The following P4HTM variants were observed in gnomAD, a reference collection of about 807,000 sequenced individuals.
P4HTM encodes the protein transmembrane prolyl 4-hydroxylase.
In P4HTM, 33 loss-of-function variants were observed where a neutral mutation model predicts 55.3. That is an observed-to-expected ratio of 0.60 (90% CI 0.45 to 0.80). P4HTM has a LOEUF of 0.80. Among genes scored for constraint, P4HTM ranks in the 30% least tolerant of loss-of-function variants. The pLI, the probability that P4HTM is intolerant of heterozygous loss-of-function variation, is 0.00. For synonymous variants in P4HTM, 272 were observed against 286.4 expected (o/e 0.95, Z 0.51); for missense variants, 542 against 696.5 (o/e 0.78, Z 2.50).
chr3:49,004,720 C>T, intron 5 of P4HTM, 141 bp from the exon 6 acceptor site: 1 of 773,728 alleles, frequency 1.3e-6, no homozygotes, highest in Non-Finnish European at 2.1e-6. Flanking sequence ...TCTTACAGGG[C>T]CAGTCTGAGA....
intron 2 of P4HTM, among the ~76,000 whole-genome samples, chr3:48,996,653 C>A (rs986184356): frequency 6.6e-6 from 1 of 152,176 alleles, no homozygotes; most frequent in African/African-American, 2.4e-5. Context: ...AGCCACTGCG[C>A]CTGGCTAGTT....
chr3:49,006,879 C>G lies in P4HTM; in HGVS notation c.1481C>G (p.Ala494Gly), dbSNP rs755143056. 6.2e-7 allele frequency: 1 copy of G among 1,612,512 alleles called. No individual in the cohort carries two copies. Among genetic ancestry groups the G allele is most frequent in the Non-Finnish European group, 8.5e-7 (1 of 1,179,638 alleles). ...DSQPEWALDR[A>G]YRDARVEL The stretch of plus-strand genomic sequence containing the variant: ...CAGCCCGAGTGGGCTCTGGACCGGG[C>G]CTACCGCGATGCGCGCGTGGAACTC... Residue 494 changes from alanine to glycine, a missense_variant, in exon 9 of 9, where the codon GCC (alanine) becomes GGC (glycine). By Grantham distance (60) the Ala-to-Gly change is moderately conservative. Transcript: ENST00000383729.
In P4HTM at chr3:49,001,604, T is replaced by TG; in HGVS notation, c.604dup (p.Asp202GlyfsTer8). 1.9e-6 allele frequency: 3 copies of TG among 1,611,988 alleles called. No homozygotes were observed. Among genetic ancestry groups the TG allele is most frequent in the Non-Finnish European group, 2.5e-6 (3 of 1,178,602 alleles). ...TCTTCCGGCTGCTGGACCAGAACCG[T>TG]GATGGGCACCTTCAGCTCCGTGAGG... On this transcript the variant is annotated frameshift_variant, in exon 3 of 9. Transcript: ENST00000383729. LOFTEE classifies it high-confidence loss of function.
intron 2 of P4HTM, chr3:48,997,769 A>G (rs566300732): frequency 6.6e-6 from 1 of 152,376 alleles, no homozygotes; most frequent in East Asian, 1.9e-4. Context: ...CCAACCAGGC[A>G]TAGCATTTGG....
In P4HTM at chr3:49,002,879, G is replaced by A. The variant is rs2092965743; in HGVS notation, c.724+283G>A. Reference sequence around the variant, plus strand: ...GTTGAGAGCCTGGGGACAGGAAGTAGGGCTGCTAGTTGGCAGAGAACAGAG... The same window carrying A: ...GTTGAGAGCCTGGGGACAGGAAGTAAGGCTGCTAGTTGGCAGAGAACAGAG... On this transcript the variant is annotated intron_variant, in intron 4 of 8. Transcript: ENST00000383729. The surrounding 1 kb of genome is among the most constrained non-coding windows in gnomAD (Gnocchi z 4.4). 1 of 489,246 alleles carries A rather than the reference G, an allele frequency of 2.0e-6. No homozygotes were observed. Among genetic ancestry groups the A allele is most frequent in the East Asian group, 4.1e-5 (1 of 24,370 alleles). The allele number at this position is 489,246 out of a possible 1,614,324, so 30.3% of individuals were successfully genotyped here. A position where few individuals can be genotyped will look rare whatever the true frequency, so the allele number is the denominator to read the frequency against.
Position 48,990,607 on chromosome 3 carries a change from C to A in P4HTM, c.351C>A (p.Ile117=). The A allele has an allele frequency of 6.3e-7, 1 of 1,578,232 alleles. No homozygotes were observed. The highest frequency in any genetic ancestry group is 8.6e-7 in the Non-Finnish European group (1 of 1,162,414). Residue 117 remains isoleucine (I), a synonymous_variant, in exon 1 of 9, where the codon ATC becomes ATA. Transcript: ENST00000383729. The surrounding 1 kb of genome is among the most constrained non-coding windows in gnomAD (Gnocchi z 7.2). ...TLGPLTRLEG[I]KVGHERKVQL... is the part of the protein sequence containing the mutation. The stretch of plus-strand genomic sequence containing the variant: ...GTCCCCTCACCCGGCTGGAGGGCAT[C>A]AAGGTGAGGACCTCCCTGCCCCGCC...
rs2106676081 is a variant in P4HTM, at chr3:49,006,977, C to G, written c.*70C>G. 1 of 1,269,872 alleles carries G rather than the reference C, an allele frequency of 7.9e-7. No homozygotes were observed. Among genetic ancestry groups the G allele is most frequent in the Non-Finnish European group, 1.1e-6 (1 of 904,342 alleles). The allele number at this position is 1,269,872 out of a possible 1,614,324, so 78.7% of individuals were successfully genotyped here. ...CAAGATCAGGGGTCCGGCTGTCCTT[C>G]TGTCCTGCTGCAGACTAAAGGTCTG... On this transcript the variant is annotated 3_prime_UTR_variant, in exon 9 of 9. Transcript: ENST00000383729.
rs772383492 is a variant in P4HTM at position 49,001,576 on chromosome 3, A to G, written c.575A>G (p.Asp192Gly). The change falls in exon 3 of 9, where the codon GAC becomes GGC. Residue 192 changes from aspartate (D) to glycine (G), a missense_variant. Physicochemically the swap from Asp to Gly is moderately conservative, Grantham distance 94 (BLOSUM62 -1). Coordinates refer to ENST00000383729, the MANE Select transcript of P4HTM (RefSeq NM_177939.3). ...AGCACTATGCAGGTCAGCCAGCTGG[A>G]CCTCTTCCGGCTGCTGGACCAGAAC... Reference protein sequence around the residue: ...AMSTMQVSQLDLFRLLDQNRD... With the variant: ...AMSTMQVSQLGLFRLLDQNRD... 1.9e-6 allele frequency: 3 copies of G among 1,613,376 alleles called. No individual in the cohort carries two copies. In the African/African-American group the frequency reaches 4.0e-5, roughly 22 times the overall value.
At position 48,990,408 on chromosome 3, in the gene P4HTM, A is replaced by T. The variant is rs1252866629; in HGVS notation, c.152A>T (p.Lys51Met). The change falls in exon 1 of 9, where the codon AAG becomes ATG. Residue 51 changes from lysine (K) to methionine (M), a missense_variant. Coordinates refer to ENST00000383729, the MANE Select transcript of P4HTM (RefSeq NM_177939.3). The surrounding 1 kb of genome is among the most constrained non-coding windows in gnomAD (Gnocchi z 7.2). ...GEDAPVRPLCKPRGICSRAYF... is the reference protein window; with the variant it reads ...GEDAPVRPLCMPRGICSRAYF... ...GACGCACCGGTGCGTCCGCTGTGCA[A>T]GCCCCGCGGCATCTGCTCGCGCGCC... 47 of 1,602,218 alleles carry T rather than the reference A, an allele frequency of 2.9e-5. No individual in the cohort carries two copies. The highest frequency in any genetic ancestry group is 4.0e-5 in the Non-Finnish European group (47 of 1,178,100).
At chr3:48,995,985 A>T (rs1233741476) in intron 2 of P4HTM, 1 of 152,170 alleles carries the variant, frequency 6.6e-6, no homozygotes, top group African/African-American at 2.4e-5. Context: ...TATCCTTCTG[A>T]CTTGGCACCC....
rs74703011 is a variant in P4HTM, at chr3:48,996,420, C to T, written c.437-5018C>T. 8.8e-3 allele frequency: 1,339 copies of T among 152,220 alleles called. 22 individuals are homozygous for T. The highest frequency in any genetic ancestry group is 0.031 in the African/African-American group (1,267 of 41,480). 9.4% of individuals were successfully genotyped at this position (152,220 alleles called of 1,614,324 possible). A position where few individuals can be genotyped will look rare whatever the true frequency, so the allele number is the denominator to read the frequency against. ...TCCCATGTAGCTGGGACTACAGGTGCGTACCATCTCGACTCACTGCAACCT... is the reference window on the plus strand; with the variant it reads ...TCCCATGTAGCTGGGACTACAGGTGTGTACCATCTCGACTCACTGCAACCT... On this transcript the variant is annotated intron_variant, in intron 2 of 8. Transcript: ENST00000383729.
At chr3:49,003,955 A>C (rs1444700474) in intron 4 of P4HTM, 143 bp from the exon 5 acceptor site, 9 of 711,654 alleles carry the variant, frequency 1.3e-5, no homozygotes, top group African/African-American at 1.8e-5. Flanking sequence ...CCAAAAGTCC[A>C]GGTGGGGGAC....
intron 6 of P4HTM, chr3:49,005,342 G>A: frequency 7.0e-7 from 1 of 1,424,304 alleles, no homozygotes; most frequent in Non-Finnish European, 9.1e-7. Context: ...AGCTTGTCCT[G>A]CCCATTCCTC....
chr3:48,990,915 GT>G lies in P4HTM; in HGVS notation c.436+2del. The G allele has an allele frequency of 1.3e-5, 21 of 1,613,058 alleles. No individual in the cohort carries two copies. Among genetic ancestry groups the G allele is most frequent in the Non-Finnish European group, 1.8e-5 (21 of 1,179,238 alleles). ...CTCAGCCTCAAGCCGCTGCTCTTCG[GT>G]AAGTCCGCCAGATACTCCTGGGAAG... On this transcript the variant is annotated splice_donor_variant, in intron 2 of 8. Coordinates refer to ENST00000383729, the MANE Select transcript of P4HTM (RefSeq NM_177939.3). LOFTEE classifies it high-confidence loss of function. This position sits in a 1 kb window ranked among gnomAD's most constrained non-coding sequence, Gnocchi z 7.2.
In P4HTM at chr3:49,002,500, G is replaced by A. The variant is rs200376910; in HGVS notation, c.628G>A (p.Val210Ile). Residue 210 changes from valine (V) to isoleucine (I), a missense_variant and splice_region_variant, in exon 4 of 9, where the codon GTT becomes ATT. By Grantham distance (29) the Val-to-Ile change is conservative (BLOSUM62 3). This residue lies in a region of P4HTM where 536 missense variants were observed against 672.1 expected (regional missense o/e 0.80). Coordinates refer to ENST00000383729, the MANE Select transcript of P4HTM (RefSeq NM_177939.3). This position sits in a 1 kb window ranked among gnomAD's most constrained non-coding sequence, Gnocchi z 4.4. ...NRDGHLQLRE[V>I]LAQTRLGNGW... ...ACTGAGGGACCCTCTTATGCTTTAG[G>A]TTCTGGCCCAGACTCGCCTGGGAAA... The A allele has an allele frequency of 1.9e-6, 3 of 1,612,820 alleles. No homozygotes were observed. The highest frequency in any genetic ancestry group is 4.5e-5 in the East Asian group (2 of 44,868).
chr3:48,997,906 T>A (rs371238771), intron 2 of P4HTM: 1 of 152,130 alleles, frequency 6.6e-6, no homozygotes, highest in African/African-American at 2.4e-5. Context: ...CAGAACCTCC[T>A]TGGAGGAGCC....
chr3:48,990,301 G>C lies in P4HTM; in HGVS notation c.45G>C (p.Ala15=). The C allele has an allele frequency of 7.5e-7, 1 of 1,327,734 alleles. No individual in the cohort carries two copies. 82.2% of individuals were successfully genotyped at this position (1,327,734 alleles called of 1,614,324 possible). A position where few individuals can be genotyped will look rare whatever the true frequency, so the allele number is the denominator to read the frequency against. ...AVTGQRPETA[A]AEEASRPQWA... ...CAGGCCAGCGGCCTGAGACCGCGGC[G>C]GCCGAGGAGGCCTCGAGGCCGCAGT... The change falls in exon 1 of 9, where the codon GCG becomes GCC. Residue 15 remains alanine, a synonymous_variant. Coordinates refer to ENST00000383729, the MANE Select transcript of P4HTM (RefSeq NM_177939.3). This position sits in a 1 kb window ranked among gnomAD's most constrained non-coding sequence, Gnocchi z 7.2.
At chr3:48,995,066 G>A (rs1376066496) in intron 2 of P4HTM, among the ~76,000 whole-genome samples, 3 of 152,134 alleles carry the variant, frequency 2.0e-5, no homozygotes, top group Non-Finnish European at 4.4e-5. Context: ...CTCCCAAAGT[G>A]CTGGGATTAC....
At position 48,990,561 on chromosome 3, in the gene P4HTM, C is replaced by T. The variant is rs772415199; in HGVS notation, c.305C>T (p.Pro102Leu). The part of the protein sequence containing the change: ...DPGPQHRAQG[P>L]GPEPTLGPLT... ...GGGCCCCAACACCGTGCCCAGGGCC[C>T]CGGGCCCGAGCCCACCTTAGGTCCC... The change falls in exon 1 of 9, where the codon CCC becomes CTC. Residue 102 changes from proline (P) to leucine (L), a missense_variant. Physicochemically the swap from Pro to Leu is moderately conservative, Grantham distance 98. Transcript: ENST00000383729. The surrounding 1 kb of genome is among the most constrained non-coding windows in gnomAD (Gnocchi z 7.2). The T allele has an allele frequency of 6.2e-7, 1 of 1,608,972 alleles. No individual in the cohort carries two copies. The highest frequency in any genetic ancestry group is 8.5e-7 in the Non-Finnish European group (1 of 1,178,596).
Sources: allele counts gnomAD v4.1 joint callset (sites outside exome capture counted in the v4.1 genomes callset), GRCh38; gene constraint gnomAD v4.1.1; regional missense constraint gnomAD v4.1.1; non-coding constraint Gnocchi (gnomAD v3.1); transcripts MANE v1.5; gene names NCBI Gene and HGNC (gene_info 2026-07-23, HGNC 2026-07-21).